LRP1B: variants seen among roughly 807,000 people sequenced by gnomAD.
LRP1B encodes the protein LDL receptor related protein 1B.
LRP1B carries 217 observed loss-of-function variants against 556.6 expected under a neutral mutation model. The observed-to-expected ratio is 0.39, with a 90% CI of 0.35 to 0.44. LRP1B has a LOEUF of 0.44. Ranked by LOEUF, LRP1B falls within the 20% of genes least tolerant of loss-of-function variation. The pLI, the probability that LRP1B is intolerant of heterozygous loss-of-function variation, is 1.00. For missense variants in LRP1B, 5,053 were observed against 5,620.8 expected (o/e 0.90, Z 3.23); for synonymous variants, 2,047 against 1,865.8 (o/e 1.10, Z -2.50).
At chr2:140,497,037 A>G (rs934894321) in intron 55 of LRP1B, among the ~76,000 whole-genome samples, 3 of 151,812 alleles carry the variant, frequency 2.0e-5, no homozygotes, top group Admixed American at 6.6e-5. Flanking sequence ...TATGGTTAGA[A>G]TTATTTTTAA....
intron 3 of LRP1B, among the ~76,000 whole-genome samples, chr2:141,403,549 T>C (rs1001936999): frequency 6.6e-6 from 1 of 152,116 alleles, no homozygotes; most frequent in Admixed American, 6.5e-5. Context: ...TTTGTGATTT[T>C]AGCTAAGTTT....
intron 2 of LRP1B, among the ~76,000 whole-genome samples, chr2:141,803,149 CTT>C (rs779901696): frequency 9.9e-5 from 15 of 151,248 alleles, no homozygotes; most frequent in Non-Finnish European, 1.6e-4. Flanking sequence ...AAAGGTGAGA[CTT>C]TTGTCATTGC....
intron 76 of LRP1B, 95 bp downstream of exon 76, chr2:140,352,858 G>T (rs1682035159): frequency 8.3e-7 from 1 of 1,198,972 alleles, no homozygotes; most frequent in African/African-American, 1.5e-5. Flanking sequence ...TATCAGAAAT[G>T]AAGCTGTTGC....
At chr2:141,576,300 C>T (rs1474480287) in intron 2 of LRP1B, among the ~76,000 whole-genome samples, 1 of 151,302 alleles carries the variant, frequency 6.6e-6, no homozygotes, top group Non-Finnish European at 1.5e-5. Context: ...AAGCTGGTAG[C>T]TATCATACTC....
chr2:141,589,919 A>C (rs1687276236), intron 2 of LRP1B, among the ~76,000 whole-genome samples: 1 of 152,220 alleles, frequency 6.6e-6, no homozygotes, highest in Admixed American at 6.5e-5. Context: ...AATATTATTA[A>C]AATGAATAAT....
chr2:140,392,203 A>G (rs2105211727), intron 66 of LRP1B, among the ~76,000 whole-genome samples: 1 of 152,090 alleles, frequency 6.6e-6, no homozygotes, highest in South Asian at 2.1e-4. Flanking sequence ...CACAGCTACA[A>G]AGTTTTTGTT....
In LRP1B at chr2:142,021,799, A is replaced by T. The variant is rs1006441561; in HGVS notation, c.82+108849T>A. 6.6e-5 allele frequency among the ~76,000 whole-genome samples: 10 copies of T among 152,300 alleles called. 1 individual carries two copies. In the South Asian group the frequency reaches 2.1e-3, roughly 32 times the overall value. ...AATAATAAAAAATTAACACAGCCTC[A>T]TAAATTTCACTTTGTGGAAGATAGA... On this transcript the variant is annotated intron_variant, in intron 1 of 90. Coordinates refer to ENST00000389484, the MANE Select transcript of LRP1B (RefSeq NM_018557.3).
rs148593703 is a variant in LRP1B, at chr2:140,977,917, A to C, written c.2887+4243T>G. 8.5e-5 allele frequency among the ~76,000 whole-genome samples: 13 copies of C among 152,312 alleles called. No homozygotes were observed. In the East Asian group the frequency reaches 2.5e-3, roughly 29 times the overall value. On this transcript the variant is annotated intron_variant, in intron 18 of 90. Coordinates refer to ENST00000389484, the MANE Select transcript of LRP1B (RefSeq NM_018557.3). ...TTAAAGTTCCCCTGGTAATTATTTT[A>C]TTGACAACTTAAGTTGAGAACCAAC...
At chr2:140,748,219 TAA>T (rs67552672) in intron 35 of LRP1B, among the ~76,000 whole-genome samples, 40,513 of 133,044 alleles carry the variant, frequency 0.3, 6,432 homozygotes, top group South Asian at 0.39. Flanking sequence ...TTCTTATATA[TAA>T]AAGTCAAATA....
intron 71 of LRP1B, among the ~76,000 whole-genome samples, chr2:140,365,284 T>C (rs1191666919): frequency 6.6e-6 from 1 of 151,704 alleles, no homozygotes; most frequent in Non-Finnish European, 1.5e-5. Flanking sequence ...GATTTTTTAA[T>C]AGCAGTAAGA....
At chr2:142,023,799 G>A (rs1299692459) in intron 1 of LRP1B, among the ~76,000 whole-genome samples, 1 of 152,120 alleles carries the variant, frequency 6.6e-6, no homozygotes, top group Non-Finnish European at 1.5e-5. Flanking sequence ...TATAAGTATA[G>A]GTATGTGTTT....
intron 43 of LRP1B, among the ~76,000 whole-genome samples, chr2:140,547,013 T>C (rs531781032): frequency 5.3e-5 from 8 of 152,112 alleles, no homozygotes; most frequent in Non-Finnish European, 1.2e-4. Flanking sequence ...CCTACTTGAT[T>C]GTAGGATAAG....
intron 60 of LRP1B, 138 bp downstream of exon 60, chr2:140,474,999 AT>A (rs1380053464): frequency 3.1e-6 from 1 of 326,944 alleles, no homozygotes; most frequent in African/African-American, 2.2e-5. Context: ...ATTTACCAAT[AT>A]TTTTATAAAG....
intron 7 of LRP1B, among the ~76,000 whole-genome samples, chr2:141,186,884 T>C (rs572407495): frequency 1.3e-5 from 2 of 152,176 alleles, no homozygotes; most frequent in South Asian, 4.1e-4. Flanking sequence ...TCTGGATCTT[T>C]GTTTTTAAGA....
chr2:141,226,115 T>C (rs775203960), intron 6 of LRP1B, among the ~76,000 whole-genome samples: 4 of 32,444 alleles, frequency 1.2e-4, no homozygotes, highest in Non-Finnish European at 4.9e-4. Flanking sequence ...GAGTCTCAAT[T>C]TTCCCCCCCA....
intron 5 of LRP1B, among the ~76,000 whole-genome samples, chr2:141,230,396 C>T (rs1371468846): frequency 6.6e-6 from 1 of 152,132 alleles, no homozygotes; most frequent in African/African-American, 2.4e-5. Flanking sequence ...AGTTTTCTGC[C>T]TGGTTTCCCT....
chr2:141,931,455 G>T (rs563636374), intron 1 of LRP1B, among the ~76,000 whole-genome samples: 1 of 151,830 alleles, frequency 6.6e-6, no homozygotes, highest in African/African-American at 2.4e-5. Context: ...TCAAAGAGGA[G>T]GTAGAATTGT....
At chr2:141,709,875 G>A (rs1363372099) in intron 2 of LRP1B, among the ~76,000 whole-genome samples, 2 of 152,098 alleles carry the variant, frequency 1.3e-5, no homozygotes, top group African/African-American at 2.4e-5. Flanking sequence ...CAGATCTGGA[G>A]GCTGGAAGTG....
intron 1 of LRP1B, among the ~76,000 whole-genome samples, chr2:141,974,896 GT>G (rs1701842408): frequency 6.6e-6 from 1 of 151,996 alleles, no homozygotes; most frequent in African/African-American, 2.4e-5. Context: ...TGCTTTCACA[GT>G]TTGCCCAGAC....
Sources: gnomAD v4.1 joint callset for allele counts (sites outside exome capture counted in the v4.1 genomes callset) on GRCh38, gnomAD v4.1.1 for gene constraint, MANE v1.5 for transcripts, NCBI Gene and HGNC (gene_info 2026-07-23, HGNC 2026-07-21) for gene names.